Variants in PRKAG2 observed in about 807,000 individuals in gnomAD.
PRKAG2 encodes the protein protein kinase AMP-activated non-catalytic subunit gamma 2.
In PRKAG2, 26 loss-of-function variants were observed where a neutral mutation model predicts 69.6. The observed-to-expected ratio is 0.37, with a 90% CI of 0.27 to 0.52. The LOEUF is 0.52. PRKAG2 is among the 20% of genes least tolerant of loss of function. The pLI is 0.90. For synonymous variants in PRKAG2, 293 were observed against 285.0 expected, an observed-to-expected ratio of 1.03 and a Z score of -0.28; for missense variants, 557 against 740.0, an observed-to-expected ratio of 0.75 and a Z score of 2.87.
At chr7:151,853,149 A>G (rs2079618821) in intron 1 of PRKAG2, among the ~76,000 whole-genome samples, 1 of 152,152 alleles carries the variant, frequency 6.6e-6, no homozygotes, top group Admixed American at 6.5e-5. Context: ...AAACTTTTTA[A>G]AAGTAGGTGA....
At chr7:151,714,687 T>A (rs1292871226) in intron 3 of PRKAG2, among the ~76,000 whole-genome samples, 1 of 152,170 alleles carries the variant, frequency 6.6e-6, no homozygotes, top group Non-Finnish European at 1.5e-5. Flanking sequence ...CAGTAGCTCA[T>A]GTCTGTAATC....
Position 151,850,764 on chromosome 7 carries a change from G to A in PRKAG2, c.114+25743C>T, listed in dbSNP as rs57194047. 0.08 allele frequency among the ~76,000 whole-genome samples: 12,122 copies of A among 152,262 alleles called. 948 individuals are homozygous for A. Among genetic ancestry groups the A allele is most frequent in the East Asian group, 0.39 (2,012 of 5,178 alleles). On this transcript the variant is annotated intron_variant, in intron 1 of 15. Coordinates refer to ENST00000287878, the MANE Select transcript of PRKAG2 (RefSeq NM_016203.4). The surrounding 1 kb of genome is among the most constrained non-coding windows in gnomAD (Gnocchi z 4.1). The stretch of plus-strand genomic sequence containing the variant: ...AGTCTGGTGCTCTGAGCGCTGCCTC[G>A]CAGTTGTGCAAATCAGTTCAGCTCA...
At chr7:151,640,834 T>A (rs1426995682) in intron 4 of PRKAG2, among the ~76,000 whole-genome samples, 1 of 152,250 alleles carries the variant, frequency 6.6e-6, no homozygotes, top group Non-Finnish European at 1.5e-5. Flanking sequence ...GAATGACTCA[T>A]CATCCTTGTA....
At chr7:151,631,068 C>T (rs1309481096) in intron 5 of PRKAG2, among the ~76,000 whole-genome samples, 1 of 152,162 alleles carries the variant, frequency 6.6e-6, no homozygotes, top group Non-Finnish European at 1.5e-5. Context: ...AAGTAATTGC[C>T]TGACTGTGAA....
At chr7:151,829,409 T>C (rs1047568493) in intron 1 of PRKAG2, among the ~76,000 whole-genome samples, 3 of 152,178 alleles carry the variant, frequency 2.0e-5, no homozygotes, top group African/African-American at 7.2e-5. Flanking sequence ...CTCATATTGC[T>C]GGGAATTGCT....
intron 1 of PRKAG2, among the ~76,000 whole-genome samples, chr7:151,857,718 C>A (rs758935773): frequency 4.6e-5 from 7 of 152,266 alleles, no homozygotes; most frequent in Non-Finnish European, 7.3e-5. Context: ...TGAGGACCTG[C>A]TGGCTTGGGA....
intron 1 of PRKAG2, among the ~76,000 whole-genome samples, chr7:151,833,214 G>A (rs2079077203): frequency 6.6e-6 from 1 of 152,220 alleles, no homozygotes; most frequent in Admixed American, 6.5e-5. Context: ...AAGGCCTCGT[G>A]GAGATCTGTG....
rs192405680 is a variant in PRKAG2 at position 151,799,264 on chromosome 7, C to T, written c.115-12723G>A. ...TGGTAGAGCCGTGACTCAGCCAGAA[C>T]CAAATCCTGGTCTTGCAACTTCTAA... On this transcript the variant is annotated intron_variant, in intron 1 of 15. Transcript: ENST00000287878. Among the ~76,000 whole-genome samples, 395 of 152,316 alleles carry T rather than the reference C, an allele frequency of 2.6e-3. 8 individuals are homozygous for T. In the South Asian group the frequency reaches 0.035, roughly 13 times the overall value.
At chr7:151,568,058 A>C (rs1806671409) in intron 11 of PRKAG2, among the ~76,000 whole-genome samples, 1 of 152,240 alleles carries the variant, frequency 6.6e-6, no homozygotes. Flanking sequence ...CCATGCATGT[A>C]ATTAAAAGAC....
At chr7:151,799,090 G>A (rs1271017430) in intron 1 of PRKAG2, among the ~76,000 whole-genome samples, 4 of 152,152 alleles carry the variant, frequency 2.6e-5, no homozygotes, top group South Asian at 2.1e-4. Flanking sequence ...GGCCTGCTGC[G>A]GGTGCCCTCA....
At position 151,564,375 on chromosome 7, in the gene PRKAG2, C is replaced by T. The variant is rs150135781; in HGVS notation, c.1438-151G>A. On this transcript the variant is annotated intron_variant, in intron 13 of 15. Transcript: ENST00000287878. ...TACATCAGACGTTCTTTCTGGCTTA[C>T]GACATGCCATTGCTACTGTTATTTT... The T allele has an allele frequency of 4.8e-5, 36 of 746,244 alleles. No individual in the cohort carries two copies. In the East Asian group the frequency reaches 6.6e-4, roughly 14 times the overall value. The allele number at this position is 746,244 out of a possible 1,614,324, so 46.2% of individuals were successfully genotyped here.
chr7:151,580,077 C>T (rs111535831), intron 6 of PRKAG2, among the ~76,000 whole-genome samples: 3,290 of 152,310 alleles, frequency 0.022, 50 homozygotes, highest in Middle Eastern at 0.071. Flanking sequence ...GGTGCACTGG[C>T]TCATGCCTGT....
At chr7:151,802,339 A>G (rs114492692) in intron 1 of PRKAG2, among the ~76,000 whole-genome samples, 2,780 of 152,164 alleles carry the variant, frequency 0.018, 90 homozygotes, top group African/African-American at 0.064. Flanking sequence ...GTGCAACACG[A>G]GGCTGCCACG....
At chr7:151,806,660 G>T in intron 1 of PRKAG2, 1 of 202,064 alleles carries the variant, frequency 4.9e-6, no homozygotes, top group South Asian at 7.2e-5. Context: ...GGAGTCTTGG[G>T]AGGATTTTTA....
chr7:151,735,955 G>A, intron 3 of PRKAG2: 2 of 1,536,390 alleles, frequency 1.3e-6, no homozygotes, highest in African/African-American at 1.4e-5. Context: ...TTTGGTCCTT[G>A]TGTTTCTTGT....
At chr7:151,597,987 T>C (rs969170217) in intron 5 of PRKAG2, among the ~76,000 whole-genome samples, 1 of 151,974 alleles carries the variant, frequency 6.6e-6, no homozygotes, top group African/African-American at 2.4e-5. Context: ...GAAATCAGAG[T>C]GTTCATGACA....
chr7:151,795,891 C>A (rs1231767002), intron 1 of PRKAG2, among the ~76,000 whole-genome samples: 17 of 82,348 alleles, frequency 2.1e-4, no homozygotes, highest in Admixed American at 5.0e-4. Context: ...ATATATATAT[C>A]ACGATAATAT....
chr7:151,613,924 T>G (rs1819493585), intron 5 of PRKAG2, among the ~76,000 whole-genome samples: 1 of 151,562 alleles, frequency 6.6e-6, no homozygotes, highest in African/African-American at 2.4e-5. Flanking sequence ...TGCCTCAGCC[T>G]CCCAAGTAGC....
intron 4 of PRKAG2, among the ~76,000 whole-genome samples, chr7:151,650,473 G>T (rs1326383496): frequency 6.6e-6 from 1 of 152,088 alleles, no homozygotes; most frequent in African/African-American, 2.4e-5. Context: ...AGTTCCTGTC[G>T]CTGTGTTCCT....
Sources: allele counts gnomAD v4.1 joint callset (sites outside exome capture counted in the v4.1 genomes callset), GRCh38; gene constraint gnomAD v4.1.1; non-coding constraint Gnocchi (gnomAD v3.1); transcripts MANE v1.5; gene names NCBI Gene and HGNC (gene_info 2026-07-23, HGNC 2026-07-21).